The following RNLS variants were observed in gnomAD, a reference collection of about 807,000 sequenced individuals.
RNLS encodes renalase, FAD dependent amine oxidase, also known as renalase.
Under a neutral mutation model 39.8 loss-of-function variants are expected in RNLS, and 39 were observed. The ratio of observed to expected loss-of-function variants is 0.98; its 90% CI spans 0.76 to 1.28. The LOEUF (loss-of-function observed/expected upper bound fraction) is 1.28. Ranked by LOEUF, RNLS falls within the 50% of genes most tolerant of loss-of-function variation. The pLI is 0.00. For missense variants in RNLS, 410 were observed against 413.3 expected, an observed-to-expected ratio of 0.99 and a Z score of 0.07; for synonymous variants, 147 against 150.7, an observed-to-expected ratio of 0.98 and a Z score of 0.18.
At chr10:88,531,307 C>T (rs1296764821) in intron 4 of RNLS, among the ~76,000 whole-genome samples, 1 of 143,176 alleles carries the variant, frequency 7.0e-6, no homozygotes, top group East Asian at 2.0e-4. Context: ...TGTTGAAGTA[C>T]TGAAAAAAAA....
At chr10:88,233,946 G>T in the RNLS span, among the ~76,000 whole-genome samples, 1 of 151,088 alleles carries the variant, frequency 6.6e-6, no homozygotes, top group Non-Finnish European at 1.5e-5. Context: ...GGGTTTGGGG[G>T]AATCAACTTT....
At chr10:88,542,063 T>C (rs1848075530) in intron 4 of RNLS, among the ~76,000 whole-genome samples, 4 of 152,132 alleles carry the variant, frequency 2.6e-5, no homozygotes, top group Admixed American at 2.6e-4. Flanking sequence ...AGAGCCCCTT[T>C]CCACTGAGTT....
chr10:88,456,306 A>C (rs1842624106), intron 4 of RNLS, among the ~76,000 whole-genome samples: 1 of 151,196 alleles, frequency 6.6e-6, no homozygotes, highest in African/African-American at 2.4e-5. Context: ...AACTTTCCTT[A>C]ATTTTATATA....
chr10:88,322,339 G>GA (rs1846245346), intron 5 of RNLS, among the ~76,000 whole-genome samples: 1 of 152,116 alleles, frequency 6.6e-6, no homozygotes, highest in African/African-American at 2.4e-5. Context: ...ACTGAATGGT[G>GA]AAAAATTGAA....
At chr10:88,194,297 C>G in the RNLS span, among the ~76,000 whole-genome samples, 4 of 152,322 alleles carry the variant, frequency 2.6e-5, no homozygotes, top group East Asian at 5.8e-4. Context: ...ACTGTCCCCC[C>G]TCATGCTGAG....
chr10:88,285,026 T>G lies in RNLS; in HGVS notation c.*328A>C, dbSNP rs951672677. ...AATTTTCATAAGGATAATCAAGTTT[T>G]TGGCACACAAACTGTTATTGTGATT... On this transcript the variant is annotated 3_prime_UTR_variant, in exon 7 of 7. Transcript: ENST00000331772. 5 of 1,012,552 alleles carry G rather than the reference T, an allele frequency of 4.9e-6. No homozygotes were observed. Among genetic ancestry groups the G allele is most frequent in the Non-Finnish European group, 5.9e-6 (5 of 848,306 alleles). 62.7% of individuals were successfully genotyped at this position (1,012,552 alleles called of 1,614,324 possible).
intron 4 of RNLS, among the ~76,000 whole-genome samples, chr10:88,560,871 A>G (rs1037705486): frequency 4.6e-5 from 7 of 151,896 alleles, no homozygotes; most frequent in Non-Finnish European, 1.0e-4. Context: ...GCCCCTCCCT[A>G]CCACCAAGAA....
chr10:88,534,691 G>C (rs1847639140), intron 4 of RNLS, among the ~76,000 whole-genome samples: 1 of 152,038 alleles, frequency 6.6e-6, no homozygotes, highest in African/African-American at 2.4e-5. Context: ...ACTCTAAAAA[G>C]GCTTCATAAA....
At chr10:88,202,421 A>G in the RNLS span, among the ~76,000 whole-genome samples, 1 of 152,182 alleles carries the variant, frequency 6.6e-6, no homozygotes, top group Non-Finnish European at 1.5e-5. Context: ...CACGTTGTGC[A>G]CATGTACCCT....
At chr10:88,571,598 C>G (rs1385700294) in intron 4 of RNLS, among the ~76,000 whole-genome samples, 1 of 152,162 alleles carries the variant, frequency 6.6e-6, no homozygotes, top group Non-Finnish European at 1.5e-5. Flanking sequence ...GTAAGGAAAA[C>G]TGGCCTGATG....
In RNLS at chr10:88,362,597, G is replaced by A. The variant is rs750167470; in HGVS notation, c.655C>T (p.Pro219Ser). The change falls in exon 5 of 7, where the codon CCC becomes TCC. Residue 219 changes from proline (P) to serine (S), a missense_variant. Coordinates refer to ENST00000331772, the MANE Select transcript of RNLS (RefSeq NM_001031709.3). ...TCAATGGAGACGAAGCGTATGCAGG[G>A]ATTACTGGTGATGTACTGCCCAGCC... is the stretch of plus-strand genomic sequence containing the variant. ...PWAGQYITSN[P>S]CIRFVSIDNK... The A allele has an allele frequency of 6.2e-7, 1 of 1,613,840 alleles. No homozygotes were observed. The highest frequency in any genetic ancestry group is 1.7e-5 in the Admixed American group (1 of 59,932).
intron 5 of RNLS, among the ~76,000 whole-genome samples, chr10:88,343,317 G>A (rs1468004180): frequency 4.0e-5 from 6 of 151,384 alleles, no homozygotes; most frequent in Non-Finnish European, 8.9e-5. Context: ...ATATCAATAC[G>A]ATTTGGTTTC....
intron 4 of RNLS, among the ~76,000 whole-genome samples, chr10:88,560,798 AAC>A: frequency 6.6e-6 from 1 of 152,060 alleles, no homozygotes; most frequent in Non-Finnish European, 1.5e-5. Flanking sequence ...TGGCCAAAGA[AAC>A]ACACCACACA....
the RNLS span, among the ~76,000 whole-genome samples, chr10:88,250,791 T>G: frequency 6.6e-6 from 1 of 152,224 alleles, no homozygotes; most frequent in African/African-American, 2.4e-5. Flanking sequence ...CACAGATAAC[T>G]TCATTAACTC....
At chr10:88,178,124 C>T in the RNLS span, among the ~76,000 whole-genome samples, 1 of 152,082 alleles carries the variant, frequency 6.6e-6, no homozygotes, top group East Asian at 1.9e-4. Flanking sequence ...TTCCTGTTCC[C>T]CAGGGTGTAG....
intron 4 of RNLS, among the ~76,000 whole-genome samples, chr10:88,369,895 A>C (rs769681093): frequency 8.5e-5 from 13 of 152,128 alleles, no homozygotes; most frequent in Non-Finnish European, 1.8e-4. Flanking sequence ...CATGTTGGCC[A>C]GGCTGGTTTT....
At chr10:88,363,828 T>C (rs1480575752) in intron 4 of RNLS, among the ~76,000 whole-genome samples, 1 of 152,224 alleles carries the variant, frequency 6.6e-6, no homozygotes, top group East Asian at 1.9e-4. Context: ...GCTCTGATTA[T>C]AGTTCTCTTG....
chr10:88,430,410 T>C (rs1354030353), intron 4 of RNLS, among the ~76,000 whole-genome samples: 2 of 151,902 alleles, frequency 1.3e-5, no homozygotes, highest in Admixed American at 1.3e-4. Flanking sequence ...CTGAATTTTC[T>C]ATATAGACAC....
At chr10:88,531,607 C>T (rs1847427369) in intron 4 of RNLS, among the ~76,000 whole-genome samples, 1 of 152,012 alleles carries the variant, frequency 6.6e-6, no homozygotes. Context: ...CATATTTCCA[C>T]CAATTCTGGA....
Sources: gnomAD v4.1 joint callset for allele counts (sites outside exome capture counted in the v4.1 genomes callset) on GRCh38, gnomAD v4.1.1 for gene constraint, MANE v1.5 for transcripts, NCBI Gene and HGNC (gene_info 2026-07-23, HGNC 2026-07-21) for gene names.